The following OSBPL10 variants were observed in gnomAD, a reference collection of about 807,000 sequenced individuals.
OSBPL10 encodes oxysterol binding protein like 10, also known as oxysterol-binding protein-related protein 10.
OSBPL10 carries 49 observed loss-of-function variants against 81.7 expected under a neutral mutation model. That is an observed-to-expected ratio of 0.60 (90% CI 0.48 to 0.76). The LOEUF is 0.76. Ranked by LOEUF, OSBPL10 falls within the 30% of genes least tolerant of loss-of-function variation. OSBPL10 has a pLI of 0.00. For missense variants in OSBPL10, 923 were observed against 987.8 expected (o/e 0.93, Z 0.88); for synonymous variants, 419 against 383.6 (o/e 1.09, Z -1.08).
At chr3:31,961,545 C>T (rs549999428) in intron 1 of OSBPL10, among the ~76,000 whole-genome samples, 2 of 152,200 alleles carry the variant, frequency 1.3e-5, no homozygotes, top group East Asian at 3.9e-4. Flanking sequence ...GTTAATAATG[C>T]TAATAATGCT....
chr3:32,061,330 G>A lies in OSBPL10; in HGVS notation n.186-14727C>T, dbSNP rs1406759796. Among the ~76,000 whole-genome samples, 6 of 92,540 alleles carry A rather than the reference G, an allele frequency of 6.5e-5. 2 individuals are homozygous for A. Among genetic ancestry groups the A allele is most frequent in the Non-Finnish European group, 1.4e-4 (5 of 34,728 alleles). 60.7% of individuals were successfully genotyped at this position (92,540 alleles called of 152,430 possible). A position where few individuals can be genotyped will look rare whatever the true frequency, so the allele number is the denominator to read the frequency against. On this transcript the variant is annotated intron_variant and non_coding_transcript_variant, in intron 1 of 3. Transcript: ENST00000479173. ...GCTATATGTCTAGTACCCAGCCCAG[G>A]CCACCTGGTAGGAGCTCAATATATA...
chr3:31,980,791 G>C, intron 1 of OSBPL10, 108 bp downstream of exon 1: 1 of 1,317,872 alleles, frequency 7.6e-7, no homozygotes, highest in Non-Finnish European at 9.8e-7. Context: ...TTCGCTGAAG[G>C]CACAATCGCG....
At chr3:32,007,603 G>A (rs1359311010) in intron 2 of OSBPL10, among the ~76,000 whole-genome samples, 1 of 152,040 alleles carries the variant, frequency 6.6e-6, no homozygotes, top group Non-Finnish European at 1.5e-5. Context: ...TTCTGTATAT[G>A]TCAAAGTTCC....
At chr3:31,783,787 AT>A (rs1480764853) in intron 4 of OSBPL10, among the ~76,000 whole-genome samples, 1,032 of 21,360 alleles carry the variant, frequency 0.048, 259 homozygotes, top group East Asian at 0.27. Flanking sequence ...CAAGACTCCG[AT>A]TAAAAAAAAA....
intron 1 of OSBPL10, among the ~76,000 whole-genome samples, chr3:31,886,855 G>A (rs1018208491): frequency 6.6e-6 from 1 of 151,932 alleles, no homozygotes; most frequent in Admixed American, 6.6e-5. Context: ...CAGAAGAATC[G>A]CTGGAACCCA....
rs570450654 is a variant in OSBPL10 at position 31,728,847 on chromosome 3, G to T, written c.1095+4410C>A. Among the ~76,000 whole-genome samples, 4 of 152,250 alleles carry T rather than the reference G, an allele frequency of 2.6e-5. No homozygotes were observed. In the East Asian group the frequency reaches 5.8e-4, roughly 22 times the overall value. ...AATGCCTGGGAGAAAAAGTGTTTTG[G>T]ATTTTGAATTTTTTTGGAAGTTGGA... is the stretch of plus-strand genomic sequence containing the variant. On this transcript the variant is annotated intron_variant, in intron 6 of 11. Coordinates refer to ENST00000396556, the MANE Select transcript of OSBPL10 (RefSeq NM_017784.5).
chr3:31,700,086 C>G (rs1018780227), intron 7 of OSBPL10, among the ~76,000 whole-genome samples: 1 of 152,216 alleles, frequency 6.6e-6, no homozygotes, highest in African/African-American at 2.4e-5. Flanking sequence ...CTTTCCCTCA[C>G]AAGTATTTCA....
In OSBPL10 at chr3:31,796,849, G is replaced by C. The variant is rs375922118; in HGVS notation, c.729+33191C>G. ...ACACAGGAAGTGTCAACTTCATTCA[G>C]GATCTTTCAAGCAGTAATAGACACC... On this transcript the variant is annotated intron_variant, in intron 4 of 11. Transcript: ENST00000396556. 3.9e-5 allele frequency among the ~76,000 whole-genome samples: 6 copies of C among 152,022 alleles called. No individual in the cohort carries two copies. The East Asian group carries it at 1.2e-3, about 29-fold the overall frequency.
chr3:31,662,727 G>C, intron 11 of OSBPL10: 1 of 985,422 alleles, frequency 1.0e-6, no homozygotes, highest in Non-Finnish European at 1.2e-6. Flanking sequence ...TGGGCATACT[G>C]GCTTTTCTTA....
intron 4 of OSBPL10, among the ~76,000 whole-genome samples, chr3:31,760,360 C>T (rs1024436978): frequency 3.0e-4 from 46 of 152,296 alleles, no homozygotes; most frequent in African/African-American, 1.1e-3. Flanking sequence ...TCCCTCAGTA[C>T]CCATGGGGGA....
intron 2 of OSBPL10, among the ~76,000 whole-genome samples, chr3:32,015,063 A>G (rs150379621): frequency 0.011 from 1,712 of 152,306 alleles, 34 homozygotes; most frequent in African/African-American, 0.039. Context: ...TCAAGCTACC[A>G]ATGACTTTCT....
At chr3:31,910,392 C>T (rs955734933) in intron 1 of OSBPL10, among the ~76,000 whole-genome samples, 1 of 151,524 alleles carries the variant, frequency 6.6e-6, no homozygotes, top group Non-Finnish European at 1.5e-5. Context: ...CCCAGAACTT[C>T]GGGAAGCTGA....
chr3:31,781,903 T>C (rs368770867), intron 4 of OSBPL10, among the ~76,000 whole-genome samples: 5 of 152,114 alleles, frequency 3.3e-5, no homozygotes, highest in African/African-American at 1.2e-4. Flanking sequence ...ACAAATTCAA[T>C]GTGATTCCCA....
chr3:31,947,612 G>A (rs972797971), intron 1 of OSBPL10, among the ~76,000 whole-genome samples: 1 of 152,142 alleles, frequency 6.6e-6, no homozygotes, highest in South Asian at 2.1e-4. Flanking sequence ...ATGGGGTTGG[G>A]AGGTTTGGTG....
intron 4 of OSBPL10, among the ~76,000 whole-genome samples, chr3:31,749,028 G>A (rs140393781): frequency 1.1e-3 from 161 of 152,268 alleles, no homozygotes; most frequent in African/African-American, 3.5e-3. Flanking sequence ...CAAGCAACCC[G>A]CCCAAGGTCA....
intron 5 of OSBPL10, among the ~76,000 whole-genome samples, chr3:31,734,260 T>A (rs1230878013): frequency 1.3e-5 from 2 of 152,030 alleles, no homozygotes; most frequent in Non-Finnish European, 2.9e-5. Flanking sequence ...CAGATACCAA[T>A]CCAGCAAACC....
intron 4 of OSBPL10, among the ~76,000 whole-genome samples, chr3:31,762,630 A>ATTTCTTTTTTTTTTTTTTTT (rs1698080481): frequency 3.3e-5 from 2 of 61,514 alleles, no homozygotes; most frequent in African/African-American, 8.0e-5. Flanking sequence ...CATGCCCAGC[A>ATTTCTTTTTTTTTTTTTTTT]TTTTTTTTTT....
Position 31,852,657 on chromosome 3 carries a change from C to T in OSBPL10, c.538-22426G>A, listed in dbSNP as rs1365913775. On this transcript the variant is annotated intron_variant, in intron 3 of 11. Transcript: ENST00000396556. ...GCAGTGGCATGCTCTCGACTCACTA[C>T]AACCTCCAACTCCCAGGCTCAAGCA... is the stretch of plus-strand genomic sequence containing the variant. Among the ~76,000 whole-genome samples the T allele has an allele frequency of 3.3e-5, 5 of 152,116 alleles. No homozygotes were observed. The East Asian group carries it at 9.7e-4, about 30-fold the overall frequency.
chr3:32,044,111 C>G (rs1007704691), intron 2 of OSBPL10, among the ~76,000 whole-genome samples: 1 of 152,080 alleles, frequency 6.6e-6, no homozygotes, highest in Non-Finnish European at 1.5e-5. Flanking sequence ...GTTGAAATTA[C>G]TTTTTAACAA....
Sources: gnomAD v4.1 joint callset for allele counts (sites outside exome capture counted in the v4.1 genomes callset) on GRCh38, gnomAD v4.1.1 for gene constraint, MANE v1.5 for transcripts, NCBI Gene and HGNC (gene_info 2026-07-23, HGNC 2026-07-21) for gene names.